The following PBLD variants were observed in gnomAD, a reference collection of about 807,000 sequenced individuals.
PBLD encodes the protein phenazine biosynthesis-like domain-containing protein.
PBLD carries 26 observed loss-of-function variants against 31.3 expected under a neutral mutation model. The ratio of observed to expected loss-of-function variants is 0.83; its 90% CI spans 0.61 to 1.15. The LOEUF is 1.15. PBLD is among the 50% of genes most tolerant of loss of function. PBLD has a pLI of 0.00. For synonymous variants in PBLD, 114 were observed against 129.0 expected, an observed-to-expected ratio of 0.88 and a Z score of 0.79; for missense variants, 307 against 351.7, an observed-to-expected ratio of 0.87 and a Z score of 1.02.
At chr10:68,313,340 T>C (rs1464363651) in intron 1 of PBLD, among the ~76,000 whole-genome samples, 5 of 152,244 alleles carry the variant, frequency 3.3e-5, no homozygotes, top group African/African-American at 1.2e-4. Flanking sequence ...TTTTTAGTTA[T>C]GTAATCCCAT....
At chr10:68,294,113 T>C (rs137985446) in intron 4 of PBLD, among the ~76,000 whole-genome samples, 11 of 152,324 alleles carry the variant, frequency 7.2e-5, no homozygotes, top group Admixed American at 4.6e-4. Context: ...ACCAAAATCA[T>C]CTTTTTAAAA....
At position 68,284,212 on chromosome 10, in the gene PBLD, C is replaced by T. The variant is rs1181941581; in HGVS notation, c.832G>A (p.Ala278Thr). Residue 278 changes from alanine (A) to threonine (T), a missense_variant, in exon 10 of 10, where the codon GCA (alanine) becomes ACA (threonine). Coordinates refer to ENST00000358769, the MANE Select transcript of PBLD (RefSeq NM_022129.4). The part of the protein sequence containing the change: ...PDGRVDIRGG[A>T]AVVLEGTLTA ...AGTGTGCCCTCTAAAACAACAGCTG[C>T]ACCTCCTCTAATGTCAACCCTTCCG... The T allele has an allele frequency of 6.2e-7, 1 of 1,613,978 alleles. No homozygotes were observed. Among genetic ancestry groups the T allele is most frequent in the East Asian group, 2.2e-5 (1 of 44,884 alleles).
chr10:68,307,211 G>C (rs1329129623), intron 1 of PBLD, among the ~76,000 whole-genome samples: 2 of 151,706 alleles, frequency 1.3e-5, no homozygotes, highest in African/African-American at 4.8e-5. Flanking sequence ...TGTGTTTTTA[G>C]TAGCGTCAGG....
chr10:68,292,883 C>A (rs1235788871), intron 4 of PBLD, among the ~76,000 whole-genome samples: 1 of 152,010 alleles, frequency 6.6e-6, no homozygotes, highest in Non-Finnish European at 1.5e-5. Flanking sequence ...ATAATGTTTT[C>A]TCTTTCTTTG....
At chr10:68,297,043 GACA>G (rs1287713129) in intron 2 of PBLD, 58 bp from the exon 3 acceptor site, 5 of 1,272,180 alleles carry the variant, frequency 3.9e-6, no homozygotes, top group Non-Finnish European at 5.7e-6. Context: ...ACTTCCTTTG[GACA>G]ACAACTACCA....
chr10:68,313,373 C>T (rs1458323135), intron 1 of PBLD, among the ~76,000 whole-genome samples: 1 of 151,868 alleles, frequency 6.6e-6, no homozygotes, highest in Non-Finnish European at 1.5e-5. Context: ...TGTTTTGTTG[C>T]CTGAAGAAAA....
rs1208654295 is a variant in PBLD, at chr10:68,324,998, A to G, written c.-60+7786T>C. 2.0e-5 allele frequency among the ~76,000 whole-genome samples: 3 copies of G among 151,156 alleles called. No homozygotes were observed. The East Asian group carries it at 6.0e-4, about 30-fold the overall frequency. ...CAGTTGCTCACACCTGTAATCCCAG[A>G]ACTTTGGGAGGCCGAGACAGGCAGA... On this transcript the variant is annotated intron_variant, in intron 1 of 9. Transcript: ENST00000358769.
chr10:68,285,305 G>A (rs373206447), intron 9 of PBLD, 43 bp downstream of exon 9: 25 of 1,613,690 alleles, frequency 1.5e-5, no homozygotes, highest in Non-Finnish European at 2.1e-5. Flanking sequence ...CACTAGCTTC[G>A]AATTAGGCAA....
At chr10:68,308,074 C>G (rs2044607815) in intron 1 of PBLD, among the ~76,000 whole-genome samples, 1 of 152,010 alleles carries the variant, frequency 6.6e-6, no homozygotes, top group Admixed American at 6.6e-5. Flanking sequence ...TCCCAGGACC[C>G]CCTGAGGACA....
rs1395534449 is a variant in PBLD, at chr10:68,306,887, AG to A, written c.-44del. On this transcript the variant is annotated 5_prime_UTR_variant, in exon 2 of 10. Transcript: ENST00000358769. Reference sequence around the variant, plus strand: ...TTTGCAAGTTCTCAAAATTGCTGGTAGCCTGCTTTACGTCTTCTTCTTGGAA... The same window carrying A: ...TTTGCAAGTTCTCAAAATTGCTGGTACCTGCTTTACGTCTTCTTCTTGGAA... 4 of 1,496,448 alleles carry A rather than the reference AG, an allele frequency of 2.7e-6. No homozygotes were observed. The African/African-American group carries it at 5.5e-5, about 21-fold the overall frequency. 92.7% of individuals were successfully genotyped at this position (1,496,448 alleles called of 1,614,324 possible).
intron 2 of PBLD, 152 bp from the exon 3 acceptor site, chr10:68,297,137 A>G (rs749004618): frequency 9.2e-6 from 6 of 652,676 alleles, no homozygotes; most frequent in Non-Finnish European, 1.6e-5. Flanking sequence ...AGGCACTTTT[A>G]TAAAGATTGG....
chr10:68,306,527 G>A (rs1327675944), intron 2 of PBLD, among the ~76,000 whole-genome samples: 2 of 152,086 alleles, frequency 1.3e-5, no homozygotes, highest in Admixed American at 1.3e-4. Flanking sequence ...TTTAAAATTG[G>A]CTCTAGTTCC....
At chr10:68,324,095 C>T (rs899974257) in intron 1 of PBLD, among the ~76,000 whole-genome samples, 1 of 152,158 alleles carries the variant, frequency 6.6e-6, no homozygotes, top group African/African-American at 2.4e-5. Context: ...TCTTTTCACT[C>T]ACCCATGCAC....
intron 1 of PBLD, among the ~76,000 whole-genome samples, chr10:68,323,168 G>A (rs544133749): frequency 6.6e-6 from 1 of 151,980 alleles, no homozygotes; most frequent in South Asian, 2.1e-4. Flanking sequence ...AATGATCTGA[G>A]GCCTGCCAAT....
rs1183126379 is a variant in PBLD, at chr10:68,289,663, T to TCACA, written c.424-648_424-645dup. Among the ~76,000 whole-genome samples the TCACA allele has an allele frequency of 6.2e-3, 842 of 136,442 alleles. 6 individuals are homozygous for TCACA. Among genetic ancestry groups the TCACA allele is most frequent in the Admixed American group, 0.016 (220 of 13,432 alleles). The allele number at this position is 136,442 out of a possible 152,430, so 89.5% of individuals were successfully genotyped here. A position where few individuals can be genotyped will look rare whatever the true frequency, so the allele number is the denominator to read the frequency against. On this transcript the variant is annotated intron_variant, in intron 6 of 9. Coordinates refer to ENST00000358769, the MANE Select transcript of PBLD (RefSeq NM_022129.4). ...GAAAGAGACTTAGAAAGGCCAAAGA[T>TCACA]CACACACACACACACACACACACAC...
At chr10:68,285,754 C>T (rs1439585385) in intron 8 of PBLD, among the ~76,000 whole-genome samples, 1 of 152,064 alleles carries the variant, frequency 6.6e-6, no homozygotes, top group African/African-American at 2.4e-5. Context: ...TCATGGCTCA[C>T]TGCAGTCTTG....
At chr10:68,300,079 T>C (rs1346040408) in intron 2 of PBLD, among the ~76,000 whole-genome samples, 3 of 151,930 alleles carry the variant, frequency 2.0e-5, no homozygotes, top group Non-Finnish European at 4.4e-5. Context: ...TTAGTAGAGA[T>C]GGAGTTTCAC....
chr10:68,324,777 G>A (rs768305422), intron 1 of PBLD, among the ~76,000 whole-genome samples: 8 of 151,420 alleles, frequency 5.3e-5, no homozygotes, highest in African/African-American at 9.7e-5. Flanking sequence ...ACTATTGCCC[G>A]GCTAATTTTT....
chr10:68,296,286 G>A lies in PBLD; in HGVS notation c.263C>T (p.Ala88Val). ...LCGHATLASA[A>V]VLFHKIKNMN... is the part of the protein sequence containing the mutation. ...ATTACTTATTTTGTGAAACAGCACA[G>A]CTGCAGAAGCCAGGGTGGCATGGCC... Residue 88 changes from alanine to valine, a missense_variant, in exon 4 of 10, where the codon GCT (alanine) becomes GTT (valine). Ala to Val is a moderately conservative substitution (Grantham distance 64). Transcript: ENST00000358769. 1 of 1,613,454 alleles carries A rather than the reference G, an allele frequency of 6.2e-7. No homozygotes were observed. The highest frequency in any genetic ancestry group is 8.5e-7 in the Non-Finnish European group (1 of 1,179,506).
Sources: allele counts gnomAD v4.1 joint callset (sites outside exome capture counted in the v4.1 genomes callset), GRCh38; gene constraint gnomAD v4.1.1; transcripts MANE v1.5; gene names NCBI Gene and HGNC (gene_info 2026-07-23, HGNC 2026-07-21).